OTUD7A: variants seen among roughly 807,000 people sequenced by gnomAD.
OTUD7A encodes OTU domain-containing protein 7A.
Under a neutral mutation model 65.7 loss-of-function variants are expected in OTUD7A, and 12 were observed. That is an observed-to-expected ratio of 0.18 (90% confidence interval 0.12 to 0.30). The LOEUF (loss-of-function observed/expected upper bound fraction) is 0.30. OTUD7A is among the 10% of genes least tolerant of loss of function. The pLI is 1.00. For missense variants in OTUD7A, 1,148 were observed against 1,304.8 expected (o/e 0.88, Z 1.85); for synonymous variants, 641 against 586.3 (o/e 1.09, Z -1.35).
intron 1 of OTUD7A, among the ~76,000 whole-genome samples, chr15:31,667,500 C>T (rs1892353003): frequency 6.6e-6 from 1 of 152,124 alleles, no homozygotes; most frequent in Non-Finnish European, 1.5e-5. Flanking sequence ...CACCCCTTTA[C>T]TTTAAGTTTA....
intron 1 of OTUD7A, among the ~76,000 whole-genome samples, chr15:31,808,313 G>A (rs988397381): frequency 3.3e-5 from 5 of 152,118 alleles, no homozygotes; most frequent in South Asian, 4.1e-4. Flanking sequence ...TGTATGGAGC[G>A]CTGGGCTTCT....
intron 3 of OTUD7A, among the ~76,000 whole-genome samples, chr15:31,607,760 T>G (rs1890278479): frequency 6.6e-6 from 1 of 152,212 alleles, no homozygotes; most frequent in African/African-American, 2.4e-5. Context: ...TGTACAGGTT[T>G]GTAGCCTAGG....
intron 10 of OTUD7A, among the ~76,000 whole-genome samples, chr15:31,500,987 C>T (rs536219266): frequency 6.6e-6 from 1 of 152,384 alleles, no homozygotes; most frequent in South Asian, 2.1e-4. Context: ...CCCCCTATTT[C>T]CCCAGTAAAG....
intron 1 of OTUD7A, among the ~76,000 whole-genome samples, chr15:31,722,703 T>C (rs1026246470): frequency 3.3e-5 from 5 of 152,228 alleles, no homozygotes; most frequent in African/African-American, 1.2e-4. Flanking sequence ...GAACTGCTAA[T>C]GAGCCAGGCT....
At chr15:31,783,074 C>T (rs1432058309) in intron 1 of OTUD7A, among the ~76,000 whole-genome samples, 1 of 152,134 alleles carries the variant, frequency 6.6e-6, no homozygotes, top group Admixed American at 6.6e-5. Context: ...AAAGGAAATA[C>T]CATAAACCAG....
chr15:31,523,620 C>T (rs1474444755), intron 8 of OTUD7A, among the ~76,000 whole-genome samples: 2 of 152,228 alleles, frequency 1.3e-5, no homozygotes, highest in Non-Finnish European at 2.9e-5. Flanking sequence ...CCTGGCCTTA[C>T]ATCCCCTACG....
At chr15:31,804,098 G>A (rs544136841) in intron 1 of OTUD7A, among the ~76,000 whole-genome samples, 1 of 152,168 alleles carries the variant, frequency 6.6e-6, no homozygotes, top group Non-Finnish European at 1.5e-5. Context: ...TCATTACACA[G>A]TCCTCAGCCT....
chr15:31,550,778 A>G (rs1158282401), intron 5 of OTUD7A, among the ~76,000 whole-genome samples: 1 of 152,212 alleles, frequency 6.6e-6, no homozygotes, highest in African/African-American at 2.4e-5. Flanking sequence ...CTTTAGCCCA[A>G]GGATATTTAA....
chr15:31,664,123 C>T (rs1892251553), intron 1 of OTUD7A, among the ~76,000 whole-genome samples: 2 of 152,190 alleles, frequency 1.3e-5, no homozygotes, highest in Admixed American at 6.5e-5. Flanking sequence ...AACTGTGCTG[C>T]TACAAACATG....
intron 1 of OTUD7A, among the ~76,000 whole-genome samples, chr15:31,672,212 G>A (rs377213473): frequency 6.6e-6 from 1 of 152,130 alleles, no homozygotes; most frequent in East Asian, 1.9e-4. Flanking sequence ...TCTGAAGGTT[G>A]GTAGATTTGA....
intron 1 of OTUD7A, among the ~76,000 whole-genome samples, chr15:31,774,982 A>AAT (rs1020551621): frequency 1.3e-5 from 2 of 150,360 alleles, no homozygotes; most frequent in African/African-American, 4.9e-5. Flanking sequence ...ATAGTTAAAA[A>AAT]AAAAAAGTGA....
At chr15:31,673,733 G>A (rs575593523) in intron 1 of OTUD7A, among the ~76,000 whole-genome samples, 2 of 152,214 alleles carry the variant, frequency 1.3e-5, no homozygotes, top group South Asian at 2.1e-4. Context: ...GTTCTTCTGG[G>A]TAAAGGCACC....
chr15:31,512,459 G>A (rs989143309), intron 8 of OTUD7A, among the ~76,000 whole-genome samples: 38 of 152,138 alleles, frequency 2.5e-4, no homozygotes, highest in African/African-American at 8.9e-4. Flanking sequence ...TTTTTTTAGC[G>A]AGGCCATTTT....
At position 31,481,988 on chromosome 15, in the gene OTUD7A, CTCGT is replaced by C; in HGVS notation, c.*1302_*1305del. Reference sequence around the variant, plus strand: ...CTTATCCTCATTTCTTGGAAACAAGCTCGTTCCTTAGTGAGGCAGATTTAGCTCC... The same window carrying C: ...CTTATCCTCATTTCTTGGAAACAAGCTCCTTAGTGAGGCAGATTTAGCTCC... On this transcript the variant is annotated 3_prime_UTR_variant, in exon 13 of 13. Coordinates refer to ENST00000307050, the MANE Select transcript of OTUD7A (RefSeq NM_001382637.1). The C allele has an allele frequency of 6.6e-6, 1 of 152,364 alleles. No homozygotes were observed. Among genetic ancestry groups the C allele is most frequent in the South Asian group, 2.1e-4 (1 of 4,826 alleles). 9.4% of individuals were successfully genotyped at this position (152,364 alleles called of 1,614,324 possible).
chr15:31,855,715 G>C (rs1567057374), intron 1 of OTUD7A, among the ~76,000 whole-genome samples: 1 of 152,188 alleles, frequency 6.6e-6, no homozygotes, highest in African/African-American at 2.4e-5. Context: ...GGGAGGAAAA[G>C]GAAGCACTAA....
chr15:31,577,947 G>T (rs1399293735), intron 3 of OTUD7A, among the ~76,000 whole-genome samples: 1 of 152,030 alleles, frequency 6.6e-6, no homozygotes, highest in Non-Finnish European at 1.5e-5. Context: ...TAAGTACAAA[G>T]AGAAGGAAGG....
intron 1 of OTUD7A, among the ~76,000 whole-genome samples, chr15:31,857,581 C>T (rs1897609384): frequency 6.6e-6 from 1 of 151,926 alleles, no homozygotes; most frequent in African/African-American, 2.4e-5. Context: ...AAATGCAAGC[C>T]ACAGGGCAGT....
At chr15:31,619,306 G>C (rs1367875545) in intron 3 of OTUD7A, among the ~76,000 whole-genome samples, 1 of 152,134 alleles carries the variant, frequency 6.6e-6, no homozygotes, top group African/African-American at 2.4e-5. Context: ...TTCCAATTCT[G>C]TGAAGAAAGT....
At chr15:31,682,120 G>A (rs1892731741) in intron 1 of OTUD7A, among the ~76,000 whole-genome samples, 1 of 152,228 alleles carries the variant, frequency 6.6e-6, no homozygotes, top group South Asian at 2.1e-4. Context: ...GAAGAGGTAT[G>A]GACAGTGGTG....
Sources: gnomAD v4.1 joint callset for allele counts (sites outside exome capture counted in the v4.1 genomes callset) on GRCh38, gnomAD v4.1.1 for gene constraint, MANE v1.5 for transcripts, NCBI Gene and HGNC (gene_info 2026-07-23, HGNC 2026-07-21) for gene names.